Variants in FASTKD1 observed in about 807,000 individuals in gnomAD.
The protein encoded by FASTKD1 is FAST kinase domains 1.
Under a neutral mutation model 90.9 loss-of-function variants are expected in FASTKD1, and 94 were observed. The observed-to-expected ratio is 1.03, with a 90% CI of 0.88 to 1.23. The LOEUF is 1.23. Among genes scored for constraint, FASTKD1 ranks in the 50% most tolerant of loss-of-function variants. The probability of loss-of-function intolerance (pLI) is 0.00; values close to 1 mark genes in which losing one functional copy is unlikely to be tolerated. For synonymous variants in FASTKD1, 319 were observed against 345.8 expected, an observed-to-expected ratio of 0.92 and a Z score of 0.86; for missense variants, 945 against 993.5, an observed-to-expected ratio of 0.95 and a Z score of 0.66.
chr2:169,556,547 G>A (rs545114712), intron 6 of FASTKD1, among the ~76,000 whole-genome samples: 3 of 152,044 alleles, frequency 2.0e-5, no homozygotes, highest in Non-Finnish European at 4.4e-5. Flanking sequence ...TGGAGGGCTG[G>A]GTGCGGTGGC....
rs1166519193 is a variant in FASTKD1, at chr2:169,538,128, A to T, written c.1959T>A (p.Ser653=). The T allele has an allele frequency of 6.2e-7, 1 of 1,600,848 alleles. No homozygotes were observed. The highest frequency in any genetic ancestry group is 1.3e-5 in the African/African-American group (1 of 74,128). ...GATGAAACTGGACTCTTGCACTTCG[A>T]GATGGAGATAAAACTGAAATTAATA... The part of the protein sequence containing the change: ...LDSQLEILSP[S]RSARVQFHLM... The change falls in exon 11 of 15, where the codon TCT becomes TCA. Residue 653 remains serine, a synonymous_variant. Transcript: ENST00000453153.
Position 169,557,204 on chromosome 2 carries a change from G to C in FASTKD1, c.1065C>G (p.Asn355Lys). The C allele has an allele frequency of 6.2e-7, 1 of 1,608,680 alleles. No homozygotes were observed. Among genetic ancestry groups the C allele is most frequent in the African/African-American group, 1.3e-5 (1 of 74,852 alleles). Residue 355 changes from asparagine (N) to lysine (K), a missense_variant, in exon 6 of 15, where the codon AAC (asparagine) becomes AAG (lysine). Physicochemically the swap from Asn to Lys is moderately conservative, Grantham distance 94 (BLOSUM62 0). Coordinates refer to ENST00000453153, the MANE Select transcript of FASTKD1 (RefSeq NM_024622.6). Reference sequence around the variant, plus strand: ...AAAGATACCTTTTAATCAGACATGAGTTTCTGCTTTCCATATCTCCCATTG... The same window carrying C: ...AAAGATACCTTTTAATCAGACATGACTTTCTGCTTTCCATATCTCCCATTG... Reference protein sequence around the residue: ...LGAMGDMESRNSCLIKRVTSV... With the variant: ...LGAMGDMESRKSCLIKRVTSV...
Position 169,528,829 on chromosome 2 carries a change from T to C in FASTKD1, c.*996A>G, listed in dbSNP as rs1201417846. Among the ~76,000 whole-genome samples the C allele has an allele frequency of 6.6e-6, 1 of 152,180 alleles. No homozygotes were observed. Among genetic ancestry groups the C allele is most frequent in the African/African-American group, 2.4e-5 (1 of 41,438 alleles). On this transcript the variant is annotated 3_prime_UTR_variant, in exon 15 of 15. Transcript: ENST00000453153. ...TACTCACCTCCCCCTTGAAATGCTTTATCCACTTGGCTTCTAGGAAGTATT... is the reference window on the plus strand; with the variant it reads ...TACTCACCTCCCCCTTGAAATGCTTCATCCACTTGGCTTCTAGGAAGTATT...
At chr2:169,530,490 A>G in intron 14 of FASTKD1, 97 bp downstream of exon 14, 2 of 700,100 alleles carry the variant, frequency 2.9e-6, no homozygotes, top group East Asian at 5.4e-5. Flanking sequence ...AAATATATTT[A>G]AAAAGGTAAT....
At chr2:169,541,481 A>G (rs1684953307) in intron 9 of FASTKD1, among the ~76,000 whole-genome samples, 1 of 152,190 alleles carries the variant, frequency 6.6e-6, no homozygotes, top group African/African-American at 2.4e-5. Context: ...ATAAATGTAT[A>G]CCATACATGC....
At chr2:169,563,471 A>G (rs112894176) in intron 3 of FASTKD1, 121 bp from the exon 4 acceptor site, 1 of 639,364 alleles carries the variant, frequency 1.6e-6, no homozygotes. Flanking sequence ...TTTTTCTAAA[A>G]TGTTATTATT....
At chr2:169,538,278 T>C in intron 10 of FASTKD1, 137 bp from the exon 11 acceptor site, 1 of 706,954 alleles carries the variant, frequency 1.4e-6, no homozygotes, top group Non-Finnish European at 2.3e-6. Context: ...ACATTTCTAA[T>C]TTACAAATGT....
At chr2:169,540,774 T>C (rs1385686627) in intron 9 of FASTKD1, among the ~76,000 whole-genome samples, 1 of 152,166 alleles carries the variant, frequency 6.6e-6, no homozygotes, top group Non-Finnish European at 1.5e-5. Context: ...ACCCAGAATG[T>C]CCAGCTCTGG....
intron 6 of FASTKD1, 56 bp from the exon 7 acceptor site, chr2:169,555,311 T>C (rs746509301): frequency 3.4e-6 from 5 of 1,463,970 alleles, no homozygotes; most frequent in Non-Finnish European, 4.7e-6. Flanking sequence ...ACACATTTAC[T>C]ATGGTGCTTT....
Position 169,530,670 on chromosome 2 carries a change from G to T in FASTKD1, c.2359C>A (p.Leu787Ile), listed in dbSNP as rs1043527812. 8.5e-5 allele frequency: 137 copies of T among 1,604,050 alleles called. No homozygotes were observed. The highest frequency in any genetic ancestry group is 1.1e-4 in the Non-Finnish European group (129 of 1,177,070). ...IALEFLDSKA[L>I]CRNIPHMKGK... ...TTCATGTGAGGGATATTTCTACAAA[G>T]TGCTTTTGAATCCAAAAATTCCAAA... is the stretch of plus-strand genomic sequence containing the variant. Residue 787 changes from leucine to isoleucine, a missense_variant, in exon 14 of 15, where the codon CTT becomes ATT. Coordinates refer to ENST00000453153, the MANE Select transcript of FASTKD1 (RefSeq NM_024622.6).
At chr2:169,535,711 T>A (rs1049185962) in intron 12 of FASTKD1, among the ~76,000 whole-genome samples, 1 of 152,134 alleles carries the variant, frequency 6.6e-6, no homozygotes. Context: ...TTAATGATTA[T>A]CTAGTTCACC....
At chr2:169,533,867 T>G (rs1287093983) in intron 12 of FASTKD1, among the ~76,000 whole-genome samples, 2 of 152,060 alleles carry the variant, frequency 1.3e-5, no homozygotes, top group Non-Finnish European at 2.9e-5. Flanking sequence ...ATCAATGTGT[T>G]AATAATAATA....
chr2:169,571,844 T>C lies in FASTKD1; in HGVS notation c.186A>G (p.Ile62Met). Residue 62 changes from isoleucine to methionine, a missense_variant, in exon 2 of 15, where the codon ATA (isoleucine) becomes ATG (methionine). Coordinates refer to ENST00000453153, the MANE Select transcript of FASTKD1 (RefSeq NM_024622.6). ...MFGFIERNKA[I>M]LSEKQVGCAF... ...CACATCCCACTTGCTTTTCTGAAAG[T>C]ATGGCTTTGTTTCTTTCAATAAAAC... 6.2e-7 allele frequency: 1 copy of C among 1,614,092 alleles called. No individual in the cohort carries two copies. The highest frequency in any genetic ancestry group is 8.5e-7 in the Non-Finnish European group (1 of 1,179,994).
chr2:169,561,875 T>C (rs151069155), intron 4 of FASTKD1, among the ~76,000 whole-genome samples: 36,202 of 81,134 alleles, frequency 0.45, 7,370 homozygotes, highest in East Asian at 0.74. Flanking sequence ...AATTATTTAT[T>C]AATTTATTGT....
chr2:169,554,713 C>T (rs1471061226), intron 7 of FASTKD1, among the ~76,000 whole-genome samples: 1 of 151,904 alleles, frequency 6.6e-6, no homozygotes, highest in Admixed American at 6.6e-5. Flanking sequence ...CCAACATCAC[C>T]ATTATGTCTT....
intron 12 of FASTKD1, among the ~76,000 whole-genome samples, chr2:169,533,051 T>C (rs1684560487): frequency 6.6e-6 from 1 of 152,128 alleles, no homozygotes; most frequent in African/African-American, 2.4e-5. Flanking sequence ...ACATTTCCCA[T>C]AATTCTACTA....
In FASTKD1 at chr2:169,571,978, G is replaced by C. The variant is rs761798259; in HGVS notation, c.52C>G (p.Leu18Val). 6.2e-7 allele frequency: 1 copy of C among 1,611,272 alleles called. No individual in the cohort carries two copies. Among genetic ancestry groups the C allele is most frequent in the Admixed American group, 1.7e-5 (1 of 59,538 alleles). The change falls in exon 2 of 15, where the codon CTA becomes GTA. Residue 18 changes from leucine to valine, a missense_variant. Coordinates refer to ENST00000453153, the MANE Select transcript of FASTKD1 (RefSeq NM_024622.6). ...CAGGAGAATGGACAAATAGCTCTTA[G>C]ACGAAGCATATTTGTAACCAATGAC... is the stretch of plus-strand genomic sequence containing the variant. ...LESLVTNMLR[L>V]RAICPFSWRV...
intron 5 of FASTKD1, among the ~76,000 whole-genome samples, chr2:169,559,490 C>T (rs371945761): frequency 1.3e-5 from 2 of 152,122 alleles, no homozygotes; most frequent in South Asian, 2.1e-4. Flanking sequence ...AATTCAATGG[C>T]GCAATGTCAG....
At chr2:169,547,931 C>CAA (rs1685285804) in intron 7 of FASTKD1, among the ~76,000 whole-genome samples, 1 of 65,294 alleles carries the variant, frequency 1.5e-5, no homozygotes, top group Non-Finnish European at 3.2e-5. Flanking sequence ...TTGATAAATT[C>CAA]AAAGATGACA....
Sources: gnomAD v4.1 joint callset for allele counts (sites outside exome capture counted in the v4.1 genomes callset) on GRCh38, gnomAD v4.1.1 for gene constraint, MANE v1.5 for transcripts, NCBI Gene and HGNC (gene_info 2026-07-23, HGNC 2026-07-21) for gene names.